Variants in SRSF4 observed in about 807,000 individuals in gnomAD.
SRSF4 encodes the protein serine/arginine-rich splicing factor 4.
Under a neutral mutation model 48.8 loss-of-function variants are expected in SRSF4, and 12 were observed. The observed-to-expected ratio is 0.25, with a 90% CI of 0.16 to 0.40. SRSF4 has a LOEUF of 0.40. Among genes scored for constraint, SRSF4 ranks in the 10% least tolerant of loss-of-function variants. The pLI is 1.00. For synonymous variants in SRSF4, 248 were observed against 232.5 expected (o/e 1.07, Z -0.61); for missense variants, 466 against 667.1 (o/e 0.70, Z 3.32).
intron 1 of SRSF4, among the ~76,000 whole-genome samples, chr1:29,164,277 T>A (rs1408761136): frequency 2.0e-5 from 3 of 152,256 alleles, no homozygotes; most frequent in Admixed American, 6.5e-5. Context: ...GGGTCCCAAT[T>A]TTAGTTCATT....
In SRSF4 at chr1:29,148,533, A is replaced by G. The variant is rs1386766381; in HGVS notation, c.1362T>C (p.Leu454=). ...SRSNSKSKPN[L]PSESRSRSKS... is the part of the protein sequence containing the mutation. The stretch of plus-strand genomic sequence containing the variant: ...TTGATCTGGAGCGTGATTCTGATGG[A>G]AGGTTTGGTTTCGATTTGGAATTGG... The change falls in exon 6 of 6, where the codon CTT becomes CTC. Residue 454 remains leucine (L), a synonymous_variant. Transcript: ENST00000373795. 2.4e-5 allele frequency: 38 copies of G among 1,613,876 alleles called. No homozygotes were observed. The highest frequency in any genetic ancestry group is 3.1e-5 in the Non-Finnish European group (36 of 1,179,978).
intron 1 of SRSF4, among the ~76,000 whole-genome samples, chr1:29,174,558 A>G (rs748110376): frequency 4.6e-5 from 7 of 152,142 alleles, no homozygotes; most frequent in Non-Finnish European, 1.0e-4. Flanking sequence ...GAAAAGGATC[A>G]GGCTGTTAGG....
At chr1:29,175,767 T>C (rs1672838916) in intron 1 of SRSF4, among the ~76,000 whole-genome samples, 1 of 148,398 alleles carries the variant, frequency 6.7e-6, no homozygotes, top group Non-Finnish European at 1.5e-5. Flanking sequence ...TAAGAGTGGG[T>C]CTTTAATTTT....
At chr1:29,153,401 G>C (rs1372021420) in intron 4 of SRSF4, among the ~76,000 whole-genome samples, 1 of 152,086 alleles carries the variant, frequency 6.6e-6, no homozygotes, top group Admixed American at 6.6e-5. Context: ...ACTCGCCTCA[G>C]CCTCCCAAAG....
intron 1 of SRSF4, among the ~76,000 whole-genome samples, chr1:29,163,647 C>A (rs1200670342): frequency 6.6e-6 from 1 of 152,082 alleles, no homozygotes; most frequent in African/African-American, 2.4e-5. Context: ...ACTAAACAAT[C>A]TCTCTATTAA....
intron 1 of SRSF4, among the ~76,000 whole-genome samples, chr1:29,161,288 T>TA (rs375513961): frequency 5.9e-5 from 9 of 152,374 alleles, no homozygotes; most frequent in African/African-American, 2.2e-4. Flanking sequence ...AAGATACTTA[T>TA]AAGCAAGGTT....
chr1:29,152,480 C>T (rs1259791749), intron 4 of SRSF4, among the ~76,000 whole-genome samples: 7 of 152,176 alleles, frequency 4.6e-5, no homozygotes, highest in Admixed American at 2.0e-4. Flanking sequence ...CATTCTTGCT[C>T]TGGCCTAATG....
At chr1:29,150,954 G>A (rs1401809877) in intron 4 of SRSF4, among the ~76,000 whole-genome samples, 1 of 151,974 alleles carries the variant, frequency 6.6e-6, no homozygotes, top group African/African-American at 2.4e-5. Context: ...TCCCCTTTAC[G>A]ATCTATTCAA....
intron 3 of SRSF4, among the ~76,000 whole-genome samples, chr1:29,156,227 G>A (rs1206816147): frequency 2.6e-5 from 4 of 151,780 alleles, no homozygotes; most frequent in Non-Finnish European, 5.9e-5. Context: ...GGTGGCAGGC[G>A]CTTGTAACCC....
At chr1:29,160,332 C>G (rs761430742) in intron 2 of SRSF4, 43 bp downstream of exon 2, 1 of 1,549,636 alleles carries the variant, frequency 6.5e-7, no homozygotes, top group Admixed American at 2.1e-5. Context: ...AGCATGATAA[C>G]AAAAGCACGT....
intron 1 of SRSF4, among the ~76,000 whole-genome samples, chr1:29,178,638 C>CT (rs1672908014): frequency 6.6e-6 from 1 of 152,152 alleles, no homozygotes; most frequent in Admixed American, 6.5e-5. Flanking sequence ...TTACAGGCCA[C>CT]CGCGCCCGGC....
At position 29,150,119 on chromosome 1, in the gene SRSF4, T is replaced by G. The variant is rs1238700640; in HGVS notation, c.652A>C (p.Ser218Arg). The change falls in exon 5 of 6, where the codon AGT becomes CGT. Residue 218 changes from serine (S) to arginine (R), a missense_variant. By Grantham distance (110) the Ser-to-Arg change is moderately radical. Coordinates refer to ENST00000373795, the MANE Select transcript of SRSF4 (RefSeq NM_005626.5). The stretch of plus-strand genomic sequence containing the variant: ...AAGACATACCTGGACCGAGATCTAC[T>G]CTTAGAATGACTGCTTTTGCTGCTG... ...SGSSKSSHSK[S>R]RSRSRSGSRS... The G allele has an allele frequency of 1.3e-6, 2 of 1,581,752 alleles. No individual in the cohort carries two copies. Among genetic ancestry groups the G allele is most frequent in the Non-Finnish European group, 1.7e-6 (2 of 1,165,470 alleles).
chr1:29,171,667 T>C (rs1326965742), intron 1 of SRSF4: 2 of 152,152 alleles, frequency 1.3e-5, no homozygotes, highest in Non-Finnish European at 2.9e-5. Context: ...TTCTCTCAGA[T>C]GCCTGGAGCA....
At chr1:29,165,450 AATT>A (rs761951271) in intron 1 of SRSF4, among the ~76,000 whole-genome samples, 29 of 147,434 alleles carry the variant, frequency 2.0e-4, no homozygotes, top group African/African-American at 5.3e-4. Context: ...TTCAGGCAAG[AATT>A]ATTATCTGAG....
intron 1 of SRSF4, chr1:29,172,868 A>C (rs1389456692): frequency 6.6e-6 from 1 of 152,206 alleles, no homozygotes. Context: ...GAGACCAAAA[A>C]AAAGGTAGAC....
intron 1 of SRSF4, among the ~76,000 whole-genome samples, chr1:29,179,504 C>G (rs768141997): frequency 6.6e-6 from 1 of 152,058 alleles, no homozygotes; most frequent in Non-Finnish European, 1.5e-5. Flanking sequence ...GGACTATAGG[C>G]GAGTGTCACC....
intron 3 of SRSF4, among the ~76,000 whole-genome samples, chr1:29,158,232 T>G: frequency 6.6e-6 from 1 of 151,992 alleles, no homozygotes. Context: ...ATCTTAATTC[T>G]TGACACCAAA....
chr1:29,149,070 C>T lies in SRSF4; in HGVS notation c.825G>A (p.Glu275=). 2 of 1,613,006 alleles carry T rather than the reference C, an allele frequency of 1.2e-6. No individual in the cohort carries two copies. The highest frequency in any genetic ancestry group is 1.7e-6 in the Non-Finnish European group (2 of 1,179,792). Residue 275 remains glutamate, a synonymous_variant, in exon 6 of 6, where the codon GAG becomes GAA. Transcript: ENST00000373795. ...CGACATTGTCATTGTTTTGGATCTT[C>T]TCTTCAGCTTGGTCTTTGCTCTTGC... ...SRSKSKDQAE[E]KIQNNDNVGK...
At chr1:29,163,584 T>C (rs921273768) in intron 1 of SRSF4, among the ~76,000 whole-genome samples, 3 of 152,258 alleles carry the variant, frequency 2.0e-5, no homozygotes, top group Non-Finnish European at 2.9e-5. Context: ...GTGAATAAGA[T>C]AGAAATAAAT....
Sources: allele counts gnomAD v4.1 joint callset (sites outside exome capture counted in the v4.1 genomes callset), GRCh38; gene constraint gnomAD v4.1.1; transcripts MANE v1.5; gene names NCBI Gene and HGNC (gene_info 2026-07-23, HGNC 2026-07-21).